Variants in NSRP1 observed in about 807,000 individuals in gnomAD.
NSRP1 encodes the protein coiled-coil domain containing 55.
Under a neutral mutation model 54.7 loss-of-function variants are expected in NSRP1, and 24 were observed. The ratio of observed to expected loss-of-function variants is 0.44; its 90% CI spans 0.32 to 0.62. The LOEUF (loss-of-function observed/expected upper bound fraction) is 0.62, where lower values mean the gene tolerates loss of function less well. NSRP1 is among the 20% of genes least tolerant of loss of function. The pLI, the probability that NSRP1 is intolerant of heterozygous loss-of-function variation, is 0.06. For synonymous variants in NSRP1, 210 were observed against 213.8 expected (o/e 0.98, Z 0.15); for missense variants, 596 against 651.2 (o/e 0.92, Z 0.92).
At chr17:30,152,423 ATTT>A (rs200742872) in intron 2 of NSRP1, among the ~76,000 whole-genome samples, 4 of 132,122 alleles carry the variant, frequency 3.0e-5, no homozygotes, top group African/African-American at 2.8e-5. Flanking sequence ...CAGCCTAAGA[ATTT>A]TTTTTTTTTT....
At chr17:30,118,758 T>C (rs2151870588) in intron 2 of NSRP1, among the ~76,000 whole-genome samples, 1 of 151,802 alleles carries the variant, frequency 6.6e-6, no homozygotes, top group African/African-American at 2.4e-5. Context: ...TCTTTTTTTT[T>C]TTTTTTTTGA....
intron 2 of NSRP1, among the ~76,000 whole-genome samples, chr17:30,151,432 T>A (rs898717266): frequency 6.6e-6 from 1 of 152,250 alleles, no homozygotes; most frequent in Admixed American, 6.5e-5. Flanking sequence ...TATTATATAC[T>A]GTATTCTTAC....
At chr17:30,155,919 A>G (rs1050759316) in intron 2 of NSRP1, among the ~76,000 whole-genome samples, 1 of 151,136 alleles carries the variant, frequency 6.6e-6, no homozygotes, top group Non-Finnish European at 1.5e-5. Context: ...GGCTCACTGC[A>G]CCCTCCACCT....
At chr17:30,138,560 A>G (rs151140824) in intron 2 of NSRP1, among the ~76,000 whole-genome samples, 41 of 152,354 alleles carry the variant, frequency 2.7e-4, no homozygotes, top group African/African-American at 9.1e-4. Context: ...AATAATAACA[A>G]GGAAAAAAGC....
chr17:30,142,079 C>T (rs1253460442), intron 2 of NSRP1, among the ~76,000 whole-genome samples: 1 of 152,174 alleles, frequency 6.6e-6, no homozygotes, highest in East Asian at 1.9e-4. Context: ...CCACTCCCTA[C>T]TGTATTACAA....
chr17:30,133,746 ATAAC>A (rs2151882592), intron 2 of NSRP1, among the ~76,000 whole-genome samples: 1 of 152,312 alleles, frequency 6.6e-6, no homozygotes, highest in South Asian at 2.1e-4. Flanking sequence ...GGTTTTCTGG[ATAAC>A]TTACTGCAGC....
intron 2 of NSRP1, among the ~76,000 whole-genome samples, chr17:30,154,965 C>G (rs1486633586): frequency 6.6e-6 from 1 of 152,136 alleles, no homozygotes; most frequent in East Asian, 1.9e-4. Context: ...TGAGGCAGAC[C>G]TGAGATTTTA....
At chr17:30,120,579 T>G (rs2071588337) in intron 2 of NSRP1, among the ~76,000 whole-genome samples, 1 of 152,206 alleles carries the variant, frequency 6.6e-6, no homozygotes, top group Non-Finnish European at 1.5e-5. Flanking sequence ...AACCAGTGTC[T>G]AGTCTAGTGG....
intron 2 of NSRP1, among the ~76,000 whole-genome samples, chr17:30,132,551 CAAAAA>C (rs1013130514): frequency 2.0e-5 from 3 of 152,154 alleles, no homozygotes; most frequent in African/African-American, 7.2e-5. Flanking sequence ...GAGACTGTCT[CAAAAA>C]GAAAAGAAAC....
chr17:30,179,119 A>C lies in NSRP1; in HGVS notation c.330A>C (p.Ala110=). 1 of 1,594,662 alleles carries C rather than the reference A, an allele frequency of 6.3e-7. No homozygotes were observed. Among genetic ancestry groups the C allele is most frequent in the Non-Finnish European group, 8.6e-7 (1 of 1,169,110 alleles). The part of the protein sequence containing the change: ...KPKYIHNLLK[A]VEIRKKEQEK... ...AGTATATTCACAACTTGCTAAAAGC[A>C]GTTGAGATCAGAAAAAAGGAACAGG... Residue 110 remains alanine, a synonymous_variant, in exon 5 of 7, where the codon GCA becomes GCC. Coordinates refer to ENST00000247026, the MANE Select transcript of NSRP1 (RefSeq NM_032141.4).
At chr17:30,135,207 G>A (rs758225729) in intron 2 of NSRP1, among the ~76,000 whole-genome samples, 50 of 151,678 alleles carry the variant, frequency 3.3e-4, no homozygotes, top group South Asian at 4.2e-4. Flanking sequence ...CAACCTCTGC[G>A]TCCAGGACTC....
intron 2 of NSRP1, among the ~76,000 whole-genome samples, chr17:30,157,025 A>G (rs1382430130): frequency 6.6e-6 from 1 of 152,182 alleles, no homozygotes; most frequent in East Asian, 1.9e-4. Context: ...ATATTGCTGG[A>G]TCTTACGGTA....
chr17:30,127,805 T>G (rs1023335505), intron 2 of NSRP1: 1 of 388,692 alleles, frequency 2.6e-6, no homozygotes, highest in Non-Finnish European at 4.5e-6. Context: ...TAACTTAGTT[T>G]TACATTTTAT....
At chr17:30,163,390 G>A (rs1904607139) in intron 2 of NSRP1, among the ~76,000 whole-genome samples, 1 of 151,752 alleles carries the variant, frequency 6.6e-6, no homozygotes, top group South Asian at 2.1e-4. Flanking sequence ...TTTTCTGATG[G>A]TTACTACTGC....
Position 30,185,580 on chromosome 17 carries a change from A to G in NSRP1, c.1583A>G (p.Asn528Ser), listed in dbSNP as rs369889777. Reference sequence around the variant, plus strand: ...GTGAGCAAGTTTGCAAAGCGGAACAATGAAGAAACTGTAATGTCAGCTAGA... The same window carrying G: ...GTGAGCAAGTTTGCAAAGCGGAACAGTGAAGAAACTGTAATGTCAGCTAGA... ...EAVSKFAKRN[N>S]EETVMSARDR... Residue 528 changes from asparagine to serine, a missense_variant, in exon 7 of 7, where the codon AAT becomes AGT. Coordinates refer to ENST00000247026, the MANE Select transcript of NSRP1 (RefSeq NM_032141.4). 16 of 1,614,082 alleles carry G rather than the reference A, an allele frequency of 9.9e-6. No homozygotes were observed. The highest frequency in any genetic ancestry group is 2.2e-5 in the East Asian group (1 of 44,898).
At chr17:30,162,734 C>G (rs1254708392) in intron 2 of NSRP1, among the ~76,000 whole-genome samples, 1 of 151,842 alleles carries the variant, frequency 6.6e-6, no homozygotes, top group African/African-American at 2.4e-5. Flanking sequence ...AATTCAGAAC[C>G]CTTTACTAAA....
In NSRP1 at chr17:30,183,017, C is replaced by T. The variant is rs181602787; in HGVS notation, c.618-1598C>T. ...TCACAGCGGCCACATTTCATATACT[C>T]AGTTGCCATATTTGGCTGGTGGTTG... On this transcript the variant is annotated intron_variant, in intron 6 of 6. Coordinates refer to ENST00000247026, the MANE Select transcript of NSRP1 (RefSeq NM_032141.4). 4.9e-3 allele frequency among the ~76,000 whole-genome samples: 741 copies of T among 152,066 alleles called. 5 individuals carry two copies. Among genetic ancestry groups the T allele is most frequent in the Admixed American group, 8.6e-3 (131 of 15,264 alleles).
intron 2 of NSRP1, among the ~76,000 whole-genome samples, chr17:30,134,492 T>G (rs923895199): frequency 6.6e-6 from 1 of 152,190 alleles, no homozygotes; most frequent in African/African-American, 2.4e-5. Flanking sequence ...GTACGGTCAT[T>G]GTAATTTTCC....
At chr17:30,131,497 G>T (rs2071699257) in intron 2 of NSRP1, among the ~76,000 whole-genome samples, 1 of 152,104 alleles carries the variant, frequency 6.6e-6, no homozygotes, top group Non-Finnish European at 1.5e-5. Flanking sequence ...GTATATAAAA[G>T]TTATGTTTAT....
Sources: allele counts gnomAD v4.1 joint callset (sites outside exome capture counted in the v4.1 genomes callset), GRCh38; gene constraint gnomAD v4.1.1; transcripts MANE v1.5; gene names NCBI Gene and HGNC (gene_info 2026-07-23, HGNC 2026-07-21).